Variants in TCF7L2 observed in about 807,000 individuals in gnomAD.
The protein encoded by TCF7L2 is transcription factor 7 like 2.
TCF7L2 carries 23 observed loss-of-function variants against 77.9 expected under a neutral mutation model. That is an observed-to-expected ratio of 0.30 (90% CI 0.21 to 0.42). The LOEUF (loss-of-function observed/expected upper bound fraction) is 0.42. TCF7L2 is among the 10% of genes least tolerant of loss of function. TCF7L2 has a pLI of 1.00. For missense variants in TCF7L2, 654 were observed against 793.1 expected, an observed-to-expected ratio of 0.82 and a Z score of 2.11; for synonymous variants, 413 against 340.2, an observed-to-expected ratio of 1.21 and a Z score of -2.36.
At chr10:113,002,801 A>G (rs1420153519) in intron 4 of TCF7L2, among the ~76,000 whole-genome samples, 1 of 152,188 alleles carries the variant, frequency 6.6e-6, no homozygotes, top group African/African-American at 2.4e-5. Flanking sequence ...GAAAGAAAAT[A>G]AAAACCACAT....
chr10:113,118,259 T>C (rs1039661827), intron 5 of TCF7L2, among the ~76,000 whole-genome samples: 3 of 152,130 alleles, frequency 2.0e-5, no homozygotes, highest in Admixed American at 2.0e-4. Context: ...AGATGAATAA[T>C]GGTTTTGTCT....
intron 5 of TCF7L2, among the ~76,000 whole-genome samples, chr10:113,064,839 CTCTAGG>C (rs2135023681): frequency 6.6e-6 from 1 of 152,346 alleles, no homozygotes; most frequent in African/African-American, 2.4e-5. Flanking sequence ...TTCTTCCCCT[CTCTAGG>C]CCTGCCCATT....
intron 5 of TCF7L2, among the ~76,000 whole-genome samples, chr10:113,090,017 C>T (rs2060207396): frequency 6.6e-6 from 1 of 152,178 alleles, no homozygotes; most frequent in Non-Finnish European, 1.5e-5. Context: ...TTTGCCTCGA[C>T]AATACCTACC....
At chr10:113,161,699 T>TTA (rs1296521778) in intron 13 of TCF7L2, 26 of 1,339,412 alleles carry the variant, frequency 1.9e-5, no homozygotes, top group Non-Finnish European at 2.5e-5. Flanking sequence ...TGCTCCGTGT[T>TTA]TAGACGTTAG....
rs531291204 is a variant in TCF7L2 at position 113,013,781 on chromosome 10, G to A, written c.451-26244G>A. On this transcript the variant is annotated intron_variant, in intron 4 of 13. Coordinates refer to ENST00000627217, the MANE Select transcript of TCF7L2 (RefSeq NM_001146274.2). ...CGGACCACTGGATCCATTTGGTGGGGTCCATCTTTCTGAAAAACAAGTCAG... is the reference window on the plus strand; with the variant it reads ...CGGACCACTGGATCCATTTGGTGGGATCCATCTTTCTGAAAAACAAGTCAG... Among the ~76,000 whole-genome samples the A allele has an allele frequency of 1.1e-4, 17 of 152,292 alleles. No homozygotes were observed. The South Asian group carries it at 2.7e-3, about 24-fold the overall frequency.
At chr10:113,031,709 A>G (rs1277084313) in intron 4 of TCF7L2, among the ~76,000 whole-genome samples, 3 of 152,096 alleles carry the variant, frequency 2.0e-5, no homozygotes, top group Non-Finnish European at 4.4e-5. Context: ...GCTGGTCTCG[A>G]ACTACTGACC....
intron 4 of TCF7L2, among the ~76,000 whole-genome samples, chr10:112,987,132 T>A (rs760546954): frequency 6.6e-6 from 1 of 152,218 alleles, no homozygotes; most frequent in Non-Finnish European, 1.5e-5. Flanking sequence ...CATCTTCTGG[T>A]AGCTAAGAAC....
At chr10:112,976,007 C>T (rs895364460) in intron 4 of TCF7L2, among the ~76,000 whole-genome samples, 1 of 152,152 alleles carries the variant, frequency 6.6e-6, no homozygotes, top group African/African-American at 2.4e-5. Flanking sequence ...GAAACAGGTA[C>T]GAGTGGAGGT....
intron 13 of TCF7L2, chr10:113,161,343 CAAAA>C (rs2073136467): frequency 1.8e-6 from 1 of 557,014 alleles, no homozygotes; most frequent in African/African-American, 1.9e-5. Flanking sequence ...GCAGAATTAA[CAAAA>C]TATATGTGTG....
At chr10:113,026,409 T>C (rs906758208) in intron 4 of TCF7L2, among the ~76,000 whole-genome samples, 1 of 152,098 alleles carries the variant, frequency 6.6e-6, no homozygotes, top group Non-Finnish European at 1.5e-5. Context: ...TCTGCCTGCC[T>C]CGGCCTCCCA....
intron 5 of TCF7L2, among the ~76,000 whole-genome samples, chr10:113,072,874 T>C (rs992195456): frequency 3.9e-5 from 6 of 152,198 alleles, no homozygotes; most frequent in African/African-American, 1.2e-4. Flanking sequence ...CGAGTCTCCA[T>C]ACATCATGAT....
At chr10:113,161,742 C>A in intron 13 of TCF7L2, 1 of 906,304 alleles carries the variant, frequency 1.1e-6, no homozygotes, top group Non-Finnish European at 1.7e-6. Context: ...TGCATGCCCA[C>A]GAGTCTCCTG....
chr10:112,983,935 G>T (rs900275636), intron 4 of TCF7L2, among the ~76,000 whole-genome samples: 1 of 152,194 alleles, frequency 6.6e-6, no homozygotes, highest in Non-Finnish European at 1.5e-5. Context: ...TAGGGAGCTT[G>T]TCCAGAATGA....
chr10:113,075,346 C>CCGGGAG (rs1564858983), intron 5 of TCF7L2, among the ~76,000 whole-genome samples: 1 of 152,056 alleles, frequency 6.6e-6, no homozygotes, highest in Admixed American at 6.5e-5. Context: ...GTAATCCGAG[C>CCGGGAG]TCTCCTGGAG....
intron 3 of TCF7L2, chr10:112,951,854 G>A (rs2031589844): frequency 6.4e-6 from 1 of 156,582 alleles, no homozygotes. Flanking sequence ...CGTGATGTTG[G>A]GGAGACCTCT....
At chr10:113,075,544 A>G (rs1049182670) in intron 5 of TCF7L2, among the ~76,000 whole-genome samples, 1 of 152,186 alleles carries the variant, frequency 6.6e-6, no homozygotes, top group African/African-American at 2.4e-5. Flanking sequence ...AATGTTGCCA[A>G]TTACTTTATG....
At chr10:113,040,726 A>C (rs2134280426) in intron 5 of TCF7L2, among the ~76,000 whole-genome samples, 1 of 152,334 alleles carries the variant, frequency 6.6e-6, no homozygotes, top group South Asian at 2.1e-4. Flanking sequence ...TGTTTTTAGT[A>C]CTAAGAGACT....
chr10:113,027,932 A>G (rs1564801080), intron 4 of TCF7L2, among the ~76,000 whole-genome samples: 1 of 152,188 alleles, frequency 6.6e-6, no homozygotes, highest in Non-Finnish European at 1.5e-5. Context: ...AGTGACTAGG[A>G]TTAGACCCGT....
chr10:113,113,199 T>G (rs2063341507), intron 5 of TCF7L2, among the ~76,000 whole-genome samples: 1 of 152,100 alleles, frequency 6.6e-6, no homozygotes, highest in South Asian at 2.1e-4. Context: ...CAGCTTGCAG[T>G]TTCTTCAGCC....
Sources: gnomAD v4.1 joint callset for allele counts (sites outside exome capture counted in the v4.1 genomes callset) on GRCh38, gnomAD v4.1.1 for gene constraint, MANE v1.5 for transcripts, NCBI Gene and HGNC (gene_info 2026-07-23, HGNC 2026-07-21) for gene names.